SBNO2: variants seen among roughly 807,000 people sequenced by gnomAD.
The protein encoded by SBNO2 is strawberry notch homolog 2.
Under a neutral mutation model 146.3 loss-of-function variants are expected in SBNO2, and 89 were observed. The observed-to-expected ratio is 0.61, with a 90% CI of 0.51 to 0.73. SBNO2 has a LOEUF of 0.73. Among genes scored for constraint, SBNO2 ranks in the 30% least tolerant of loss-of-function variants. SBNO2 has a pLI of 0.00. For synonymous variants in SBNO2, 1,147 were observed against 892.6 expected (o/e 1.29, Z -5.08); for missense variants, 2,092 against 2,003.7 (o/e 1.04, Z -0.84).
intron 18 of SBNO2, 23 bp downstream of exon 18, chr19:1,114,208 G>A: frequency 7.0e-7 from 1 of 1,425,144 alleles, no homozygotes; most frequent in Non-Finnish European, 9.3e-7. Context: ...ACAGGTGGCT[G>A]GCCAGCCTGG....
chr19:1,149,449 G>C lies in SBNO2; in HGVS notation c.94-7C>G. On this transcript the variant is annotated splice_region_variant and splice_polypyrimidine_tract_variant and intron_variant, in intron 2 of 31. Transcript: ENST00000361757. ...GGCAGTGCAGCATGGCGCTCTAGAA[G>C]AGACAGCGGGCATCAGTGAGTGGGA... 1 of 1,550,946 alleles carries C rather than the reference G, an allele frequency of 6.4e-7. No individual in the cohort carries two copies. The highest frequency in any genetic ancestry group is 8.7e-7 in the Non-Finnish European group (1 of 1,147,226).
Position 1,112,202 on chromosome 19 carries a change from C to T in SBNO2, c.2615G>A (p.Arg872His), listed in dbSNP as rs754440500. The T allele has an allele frequency of 1.9e-6, 3 of 1,588,008 alleles. No individual in the cohort carries two copies. Among genetic ancestry groups the T allele is most frequent in the Non-Finnish European group, 2.6e-6 (3 of 1,167,298 alleles). Residue 872 changes from arginine to histidine, a missense_variant, in exon 22 of 32, where the codon CGC becomes CAC. Coordinates refer to ENST00000361757, the MANE Select transcript of SBNO2 (RefSeq NM_014963.3). The surrounding 1 kb of genome is among the most constrained non-coding windows in gnomAD (Gnocchi z 5.9). ...ERRFASIVAK[R>H]LESLGALTHG... ...CCACCTGCTCACCAGACTCTCCAGG[C>T]GCTTGGCCACGATGGAGGCGAACCG...
Position 1,108,467 on chromosome 19 carries a change from C to T in SBNO2, c.3854G>A (p.Gly1285Asp), listed in dbSNP as rs754625339. The T allele has an allele frequency of 1.8e-5, 22 of 1,226,732 alleles. 1 individual carries two copies. Among genetic ancestry groups the T allele is most frequent in the Non-Finnish European group, 2.1e-5 (21 of 980,406 alleles). The allele number at this position is 1,226,732 out of a possible 1,614,324, so 76.0% of individuals were successfully genotyped here. A position where few individuals can be genotyped will look rare whatever the true frequency, so the allele number is the denominator to read the frequency against. ...SFPAPLSLDAGPGVVPLGTPD... is the reference protein window; with the variant it reads ...SFPAPLSLDADPGVVPLGTPD... ...GGTGCCCAGCGGCACGACGCCGGGG[C>T]CGGCGTCCAGGGACAGCGGCGCCGG... Residue 1285 changes from glycine (G) to aspartate (D), a missense_variant, in exon 32 of 32, where the codon GGC becomes GAC. Gly to Asp is a moderately conservative substitution (Grantham distance 94). Coordinates refer to ENST00000361757, the MANE Select transcript of SBNO2 (RefSeq NM_014963.3).
At chr19:1,168,032 T>A (rs545930765) in intron 1 of SBNO2, among the ~76,000 whole-genome samples, 19 of 151,832 alleles carry the variant, frequency 1.3e-4, no homozygotes, top group African/African-American at 4.6e-4. Flanking sequence ...GCCACACAGG[T>A]GCACCCCTGG....
chr19:1,154,403 C>A lies in SBNO2; in HGVS notation c.-126-1G>T. 1 of 432,558 alleles carries A rather than the reference C, an allele frequency of 2.3e-6. No individual in the cohort carries two copies. The highest frequency in any genetic ancestry group is 3.9e-6 in the Non-Finnish European group (1 of 259,064). The allele number at this position is 432,558 out of a possible 1,614,324, so 26.8% of individuals were successfully genotyped here. ...GCGGCGGTGGCGGCAGCATCATGAT[C>A]TGCAGAGGGAGACGGGGACGTCCTG... On this transcript the variant is annotated splice_acceptor_variant, in intron 1 of 31. Transcript: ENST00000361757. LOFTEE classifies it low-confidence loss of function (5UTR_SPLICE).
intron 16 of SBNO2, among the ~76,000 whole-genome samples, chr19:1,116,357 T>C (rs527924480): frequency 6.9e-6 from 1 of 144,146 alleles, no homozygotes; most frequent in South Asian, 2.2e-4. Context: ...CCGGATATGA[T>C]GATGGCTCCC....
At chr19:1,115,988 G>GGGGT in intron 17 of SBNO2, 33 bp downstream of exon 17, 1 of 1,549,528 alleles carries the variant, frequency 6.5e-7, no homozygotes, top group South Asian at 1.2e-5. Flanking sequence ...CAGAGGGGCA[G>GGGGT]GGGTGGGTGG....
intron 4 of SBNO2, among the ~76,000 whole-genome samples, chr19:1,143,912 A>G (rs2080162500): frequency 6.6e-6 from 1 of 152,218 alleles, no homozygotes; most frequent in South Asian, 2.1e-4. Flanking sequence ...GAGAGGCGAC[A>G]CGGCGGCAGG....
intron 4 of SBNO2, among the ~76,000 whole-genome samples, chr19:1,135,290 A>AG (rs2080075286): frequency 6.6e-6 from 1 of 151,946 alleles, no homozygotes. Flanking sequence ...TGAGCTAGAG[A>AG]GGTGGAAGCT....
chr19:1,119,796 A>T, intron 12 of SBNO2, 110 bp downstream of exon 12: 1 of 976,936 alleles, frequency 1.0e-6, no homozygotes, highest in East Asian at 2.6e-5. Flanking sequence ...TCCGAGGAGG[A>T]GCAGGGTGCA....
At chr19:1,115,846 G>A (rs1438559078) in intron 17 of SBNO2, 175 bp downstream of exon 17, 1 of 643,904 alleles carries the variant, frequency 1.6e-6, no homozygotes, top group Non-Finnish European at 2.8e-6. Context: ...TTCCATGGCA[G>A]GGTCCACGCA....
intron 24 of SBNO2, 41 bp downstream of exon 24, chr19:1,111,465 C>A (rs760491526): frequency 2.8e-6 from 4 of 1,407,096 alleles, no homozygotes; most frequent in Admixed American, 3.9e-5. Flanking sequence ...TGCTCTGCAA[C>A]CCCTGCCCCT....
chr19:1,138,286 C>T (rs947727027), intron 4 of SBNO2, among the ~76,000 whole-genome samples: 14 of 90,422 alleles, frequency 1.5e-4, no homozygotes, highest in Non-Finnish European at 1.7e-4. Context: ...AAACAGGTGC[C>T]GGAGAGCCTG....
Position 1,114,309 on chromosome 19 carries a change from A to G in SBNO2, c.1999T>C (p.Phe667Leu). 6.4e-7 allele frequency: 1 copy of G among 1,555,544 alleles called. No homozygotes were observed. The highest frequency in any genetic ancestry group is 8.7e-7 in the Non-Finnish European group (1 of 1,149,672). Residue 667 changes from phenylalanine to leucine, a missense_variant, in exon 18 of 32, where the codon TTC (phenylalanine) becomes CTC (leucine). By Grantham distance (22) the Phe-to-Leu change is conservative. Coordinates refer to ENST00000361757, the MANE Select transcript of SBNO2 (RefSeq NM_014963.3). ...ACCAGGGACTCGGGGGAGGAGTTGAAGTCGCTGTCCAGGCCAGGGTCCGAC... is the reference window on the plus strand; with the variant it reads ...ACCAGGGACTCGGGGGAGGAGTTGAGGTCGCTGTCCAGGCCAGGGTCCGAC... ...TESDPGLDSD[F>L]NSSPESLVDD...
At position 1,144,538 on chromosome 19, in the gene SBNO2, A is replaced by G. The variant is rs545846709; in HGVS notation, c.279+2771T>C. Among the ~76,000 whole-genome samples the G allele has an allele frequency of 6.6e-6, 1 of 152,248 alleles. No homozygotes were observed. Among genetic ancestry groups the G allele is most frequent in the African/African-American group, 2.4e-5 (1 of 41,530 alleles). On this transcript the variant is annotated intron_variant, in intron 4 of 31. Transcript: ENST00000361757. The surrounding 1 kb of genome is among the most constrained non-coding windows in gnomAD (Gnocchi z 4.1). ...ATGAGACAGAGATGGAGACGGAGACAGAGACAGAGACATGGAGAGAGACAG... is the reference window on the plus strand; with the variant it reads ...ATGAGACAGAGATGGAGACGGAGACGGAGACAGAGACATGGAGAGAGACAG...
intron 17 of SBNO2, among the ~76,000 whole-genome samples, chr19:1,114,720 T>A (rs947786673): frequency 6.6e-6 from 1 of 152,214 alleles, no homozygotes; most frequent in African/African-American, 2.4e-5. Context: ...CTGCACTCTC[T>A]GCCTCCTGGA....
rs986533821 is a variant in SBNO2 at position 1,136,103 on chromosome 19, C to A, written c.280-8338G>T. On this transcript the variant is annotated intron_variant, in intron 4 of 31. Coordinates refer to ENST00000361757, the MANE Select transcript of SBNO2 (RefSeq NM_014963.3). This position sits in a 1 kb window ranked among gnomAD's most constrained non-coding sequence, Gnocchi z 4.2. ...GGAGACACAGTCCCGGGGAGGAGGC[C>A]ACGGGACACAGAAGCAGAGATCCCA... 6.6e-6 allele frequency among the ~76,000 whole-genome samples: 1 copy of A among 152,124 alleles called. No homozygotes were observed. Among genetic ancestry groups the A allele is most frequent in the African/African-American group, 2.4e-5 (1 of 41,438 alleles).
At chr19:1,142,836 G>A (rs2080153910) in intron 4 of SBNO2, among the ~76,000 whole-genome samples, 1 of 152,118 alleles carries the variant, frequency 6.6e-6, no homozygotes, top group South Asian at 2.1e-4. Context: ...GCGTGGTGGT[G>A]GGTGCCTGTA....
At chr19:1,137,059 AG>A (rs1268681751) in intron 4 of SBNO2, among the ~76,000 whole-genome samples, 1 of 150,196 alleles carries the variant, frequency 6.7e-6, no homozygotes, top group Non-Finnish European at 1.5e-5. Context: ...GGGTGATGTC[AG>A]GAAGGGTGAA....
Sources: gnomAD v4.1 joint callset for allele counts (sites outside exome capture counted in the v4.1 genomes callset) on GRCh38, gnomAD v4.1.1 for gene constraint, Gnocchi (gnomAD v3.1) non-coding constraint, MANE v1.5 for transcripts, NCBI Gene and HGNC (gene_info 2026-07-23, HGNC 2026-07-21) for gene names.